The following PPM1F variants were observed in gnomAD, a reference collection of about 807,000 sequenced individuals.
The protein encoded by PPM1F is protein phosphatase, Mg2+/Mn2+ dependent 1F.
PPM1F carries 17 observed loss-of-function variants against 35.5 expected under a neutral mutation model. The ratio of observed to expected loss-of-function variants is 0.48; its 90% CI spans 0.33 to 0.72. PPM1F has a LOEUF of 0.72. Among genes scored for constraint, PPM1F ranks in the 30% least tolerant of loss-of-function variants. PPM1F has a pLI of 0.02. For missense variants in PPM1F, 521 were observed against 613.0 expected (o/e 0.85, Z 1.59); for synonymous variants, 241 against 255.5 (o/e 0.94, Z 0.54).
Position 21,939,898 on chromosome 22 carries a change from G to A in PPM1F, c.207-218C>T, listed in dbSNP as rs1189537859. On this transcript the variant is annotated intron_variant, in intron 2 of 7. Coordinates refer to ENST00000263212, the MANE Select transcript of PPM1F (RefSeq NM_014634.4). This position sits in a 1 kb window ranked among gnomAD's most constrained non-coding sequence, Gnocchi z 5.1. The stretch of plus-strand genomic sequence containing the variant: ...TACTTGAGCCTGCGGCTAGTTGGGA[G>A]GGGGCTGTTGATGGGCAAGTAAACT... Among the ~76,000 whole-genome samples, 1 of 152,242 alleles carries A rather than the reference G, an allele frequency of 6.6e-6. No homozygotes were observed. Among genetic ancestry groups the A allele is most frequent in the Admixed American group, 6.5e-5 (1 of 15,292 alleles).
intron 1 of PPM1F, chr22:21,948,758 T>A (rs370749810): frequency 1.3e-5 from 2 of 152,364 alleles, no homozygotes; most frequent in African/African-American, 2.4e-5. Flanking sequence ...ATGATTAGGA[T>A]CCAAGTGAGA....
chr22:21,938,212 G>A, intron 3 of PPM1F: 1 of 1,303,178 alleles, frequency 7.7e-7, no homozygotes, highest in Non-Finnish European at 1.0e-6. Context: ...ACCGGCAGGT[G>A]GCGCTGTCTC....
chr22:21,949,149 G>C (rs12152192), intron 1 of PPM1F: 18,502 of 152,468 alleles, frequency 0.12, 1,220 homozygotes, highest in African/African-American at 0.14. Flanking sequence ...GTGATGATGT[G>C]TGTGTGTGAA....
intron 6 of PPM1F, chr22:21,925,962 G>C: frequency 5.8e-6 from 2 of 346,966 alleles, no homozygotes; most frequent in Non-Finnish European, 1.0e-5. Context: ...GCACTCACGA[G>C]GCTTGCGAGC....
chr22:21,942,176 C>T (rs1294734525), intron 2 of PPM1F: 2 of 152,288 alleles, frequency 1.3e-5, no homozygotes, highest in African/African-American at 4.8e-5. Flanking sequence ...GAGGACCTTC[C>T]AACAGCACAG....
rs2070455287 is a variant in PPM1F, at chr22:21,922,226, G to C, written c.*866C>G. On this transcript the variant is annotated 3_prime_UTR_variant, in exon 8 of 8. Transcript: ENST00000263212. ...TTTAGAAAATAAATTCAATAATACT[G>C]CAAAAAAAGGTTCCTTGAAAAATAG... 1 of 152,246 alleles carries C rather than the reference G, an allele frequency of 6.6e-6. No individual in the cohort carries two copies. The highest frequency in any genetic ancestry group is 2.4e-5 in the African/African-American group (1 of 41,350). 9.4% of individuals were successfully genotyped at this position (152,246 alleles called of 1,614,324 possible).
chr22:21,922,897 C>A lies in PPM1F; in HGVS notation c.*195G>T. 2 of 686,820 alleles carry A rather than the reference C, an allele frequency of 2.9e-6. No individual in the cohort carries two copies. Among genetic ancestry groups the A allele is most frequent in the South Asian group, 2.0e-5 (1 of 50,152 alleles). The allele number at this position is 686,820 out of a possible 1,614,324, so 42.5% of individuals were successfully genotyped here. On this transcript the variant is annotated 3_prime_UTR_variant, in exon 8 of 8. Transcript: ENST00000263212. ...GGTCTCCTAAGCTGCCTTCCACCATCTGCCCGCCACCCAGTGCAGTTCCAC... is the reference window on the plus strand; with the variant it reads ...GGTCTCCTAAGCTGCCTTCCACCATATGCCCGCCACCCAGTGCAGTTCCAC...
At chr22:21,934,949 A>AT (rs1250317964) in intron 3 of PPM1F, 2 of 151,044 alleles carry the variant, frequency 1.3e-5, no homozygotes, top group East Asian at 3.9e-4. Flanking sequence ...ATTAAATATG[A>AT]TTTTCATAAC....
At chr22:21,938,097 A>G in intron 3 of PPM1F, 2 of 1,291,920 alleles carry the variant, frequency 1.5e-6, no homozygotes, top group Non-Finnish European at 2.0e-6. Context: ...CGGGGAAGCA[A>G]GGGCAGGCGA....
chr22:21,939,621 T>G lies in PPM1F; in HGVS notation c.266A>C (p.Gln89Pro). 6.4e-7 allele frequency: 1 copy of G among 1,559,730 alleles called. No homozygotes were observed. The highest frequency in any genetic ancestry group is 8.7e-7 in the Non-Finnish European group (1 of 1,150,736). Residue 89 changes from glutamine to proline, a missense_variant, in exon 3 of 8, where the codon CAG becomes CCG. By Grantham distance (76) the Gln-to-Pro change is moderately conservative. Transcript: ENST00000263212. This position sits in a 1 kb window ranked among gnomAD's most constrained non-coding sequence, Gnocchi z 5.1. ...LAHEAVSQLL[Q>P]TDLSEFRKLP... ...CTTCCTGAATTCGGAAAGGTCTGTC[T>G]GTAGCAGCTGTGAAACTGCTTCGTG...
Position 21,934,140 on chromosome 22 carries a change from C to G in PPM1F, c.442G>C (p.Ala148Pro). 6.4e-7 allele frequency: 1 copy of G among 1,574,668 alleles called. No individual in the cohort carries two copies. Among genetic ancestry groups the G allele is most frequent in the South Asian group, 1.2e-5 (1 of 86,042 alleles). ...AGCCACTGCCGCTGTGAGGCCCGGG[C>G]AGCCAATGGCACCTGCTTCTGCCAC... ...GQWQKQVPLA[A>P]RASQRQWLVS... The change falls in exon 4 of 8, where the codon GCC becomes CCC. Residue 148 changes from alanine (A) to proline (P), a missense_variant. This residue lies in a region of PPM1F where 311 missense variants were observed against 351.5 expected (regional missense o/e 0.88). Coordinates refer to ENST00000263212, the MANE Select transcript of PPM1F (RefSeq NM_014634.4).
intron 2 of PPM1F, chr22:21,942,493 T>G (rs1436818305): frequency 6.6e-6 from 1 of 152,238 alleles, no homozygotes; most frequent in Non-Finnish European, 1.5e-5. Context: ...GGAACTGCCT[T>G]TGAAAAACAA....
At chr22:21,927,942 G>GTTTTTTTTTTTTTTTTTTTTTTTTTTTTT (rs60216371) in intron 6 of PPM1F, among the ~76,000 whole-genome samples, 1 of 75,126 alleles carries the variant, frequency 1.3e-5, no homozygotes, top group Non-Finnish European at 2.3e-5. Flanking sequence ...TTTTTGTTTT[G>GTTTTTTTTTTTTTTTTTTTTTTTTTTTTT]TTTTTTTTTT....
At position 21,939,764 on chromosome 22, in the gene PPM1F, G is replaced by T; in HGVS notation, c.207-84C>A. 6.7e-7 allele frequency: 1 copy of T among 1,493,206 alleles called. No homozygotes were observed. Among genetic ancestry groups the T allele is most frequent in the Non-Finnish European group, 9.1e-7 (1 of 1,104,482 alleles). 92.5% of individuals were successfully genotyped at this position (1,493,206 alleles called of 1,614,324 possible). ...CCCTTCCCCAACTGTCAGCCCACAT[G>T]CTGAGGGGTCACGGCCAGCAGGGCG... On this transcript the variant is annotated intron_variant, in intron 2 of 7. Coordinates refer to ENST00000263212, the MANE Select transcript of PPM1F (RefSeq NM_014634.4). This position sits in a 1 kb window ranked among gnomAD's most constrained non-coding sequence, Gnocchi z 5.1.
At position 21,920,759 on chromosome 22, in the gene PPM1F, T is replaced by C. The variant is rs1381071740; in HGVS notation, c.*2333A>G. 1 of 152,188 alleles carries C rather than the reference T, an allele frequency of 6.6e-6. No homozygotes were observed. The highest frequency in any genetic ancestry group is 1.5e-5 in the Non-Finnish European group (1 of 68,032). 9.4% of individuals were successfully genotyped at this position (152,188 alleles called of 1,614,324 possible). A position where few individuals can be genotyped will look rare whatever the true frequency, so the allele number is the denominator to read the frequency against. On this transcript the variant is annotated 3_prime_UTR_variant, in exon 8 of 8. Transcript: ENST00000263212. ...GGGTATGAATCAGACCACCAGGTGA[T>C]AGGAGCCAAACCTCCACATGGTGAA...
chr22:21,950,280 A>C (rs1343805179), intron 1 of PPM1F: 1 of 151,488 alleles, frequency 6.6e-6, no homozygotes, highest in East Asian at 1.9e-4. Flanking sequence ...TTGCCTCCCG[A>C]GATCTCTCAG....
intron 5 of PPM1F, 105 bp from the exon 6 acceptor site, chr22:21,931,396 G>A (rs2070588793): frequency 3.5e-6 from 4 of 1,158,820 alleles, no homozygotes; most frequent in Non-Finnish European, 3.6e-6. Context: ...TTCCGTTACT[G>A]TGGTGAGGAA....
intron 6 of PPM1F, among the ~76,000 whole-genome samples, chr22:21,926,883 C>T (rs1019378496): frequency 1.2e-4 from 19 of 152,188 alleles, no homozygotes; most frequent in Admixed American, 2.0e-4. Context: ...ACATGCACTG[C>T]GGGAGGCCTG....
At chr22:21,950,571 G>A (rs9610690) in intron 1 of PPM1F, 18,437 of 151,860 alleles carry the variant, frequency 0.12, 1,216 homozygotes, top group African/African-American at 0.14. Flanking sequence ...TTAGAAAAGG[G>A]AACTGCACCA....
Sources: allele counts gnomAD v4.1 joint callset (sites outside exome capture counted in the v4.1 genomes callset), GRCh38; gene constraint gnomAD v4.1.1; regional missense constraint gnomAD v4.1.1; non-coding constraint Gnocchi (gnomAD v3.1); transcripts MANE v1.5; gene names NCBI Gene and HGNC (gene_info 2026-07-23, HGNC 2026-07-21).